The following AGO2 variants were observed in gnomAD, a reference collection of about 807,000 sequenced individuals.
AGO2 encodes argonaute RISC catalytic component 2, also known as protein argonaute-2.
Under a neutral mutation model 102.3 loss-of-function variants are expected in AGO2, and 5 were observed. The observed-to-expected ratio is 0.05, with a 90% CI of 0.03 to 0.10. The LOEUF (loss-of-function observed/expected upper bound fraction) is 0.10. AGO2 is among the 10% of genes least tolerant of loss of function. The pLI is 1.00. For missense variants in AGO2, 541 were observed against 1,183.7 expected (o/e 0.46, Z 7.97); for synonymous variants, 449 against 473.1 (o/e 0.95, Z 0.66).
chr8:140,556,908 T>C lies in AGO2; in HGVS notation c.1026+181A>G, dbSNP rs532617850. On this transcript the variant is annotated intron_variant, in intron 8 of 18. Transcript: ENST00000220592. ...TCCCACAAGAGAGCTGCAGACCCCA[T>C]TCTACTGAAGGCAAAACCGAGGTGT... 2.5e-4 allele frequency among the ~76,000 whole-genome samples: 38 copies of C among 152,252 alleles called. 1 individual carries two copies. In the East Asian group the frequency reaches 7.0e-3, roughly 28 times the overall value.
intron 1 of AGO2, among the ~76,000 whole-genome samples, chr8:140,608,368 A>G (rs997893244): frequency 6.6e-6 from 1 of 152,050 alleles, no homozygotes; most frequent in Non-Finnish European, 1.5e-5. Flanking sequence ...TGTGCAAATC[A>G]CCACAGTCCC....
At chr8:140,535,303 C>T in intron 17 of AGO2, 165 bp downstream of exon 17, 6 of 690,780 alleles carry the variant, frequency 8.7e-6, no homozygotes, top group Non-Finnish European at 1.5e-5. Flanking sequence ...CCCCTCTCCC[C>T]ACCCCAGCGC....
Position 140,625,352 on chromosome 8 carries a change from C to T in AGO2, c.22+10133G>A, listed in dbSNP as rs575310832. On this transcript the variant is annotated intron_variant, in intron 1 of 18. Coordinates refer to ENST00000220592, the MANE Select transcript of AGO2 (RefSeq NM_012154.5). ...AACTCCTGACCTCAGGTGATCCGCC[C>T]GCCTTGGCCTCCCGAAGTGCTGGGA... 2.1e-3 allele frequency among the ~76,000 whole-genome samples: 315 copies of T among 152,234 alleles called. 1 individual carries two copies. The highest frequency in any genetic ancestry group is 6.8e-3 in the Middle Eastern group (2 of 294).
At chr8:140,575,151 T>C (rs1008286626) in intron 2 of AGO2, among the ~76,000 whole-genome samples, 4 of 152,164 alleles carry the variant, frequency 2.6e-5, no homozygotes, top group African/African-American at 7.2e-5. Context: ...AGATCCAGCC[T>C]GGGCAGGGAA....
chr8:140,562,667 C>T, intron 3 of AGO2, 33 bp from the exon 4 acceptor site: 1 of 1,599,298 alleles, frequency 6.3e-7, no homozygotes, highest in Non-Finnish European at 8.5e-7. Context: ...AGGTTACTCC[C>T]TCCTGCGAAG....
intron 4 of AGO2, 95 bp from the exon 5 acceptor site, chr8:140,560,605 C>T: frequency 1.6e-5 from 23 of 1,429,464 alleles, no homozygotes; most frequent in Non-Finnish European, 2.1e-5. Context: ...CCACCACACC[C>T]TCATCAGAGT....
At position 140,520,623 on chromosome 8, in the gene AGO2, G is replaced by C. The variant is rs976991678; in HGVS notation, c.*11421C>G. The C allele has an allele frequency of 6.6e-6, 1 of 151,996 alleles. No individual in the cohort carries two copies. The highest frequency in any genetic ancestry group is 2.4e-5 in the African/African-American group (1 of 41,374). The allele number at this position is 151,996 out of a possible 1,614,324, so 9.4% of individuals were successfully genotyped here. A position where few individuals can be genotyped will look rare whatever the true frequency, so the allele number is the denominator to read the frequency against. On this transcript the variant is annotated 3_prime_UTR_variant, in exon 19 of 19. Coordinates refer to ENST00000220592, the MANE Select transcript of AGO2 (RefSeq NM_012154.5). ...GGCTCTCTGGAGAGACCAGAGGCTC[G>C]GGCTGCCTGATTTCAGCAACACATT... is the stretch of plus-strand genomic sequence containing the variant.
chr8:140,545,932 G>A (rs904684624), intron 13 of AGO2, among the ~76,000 whole-genome samples: 6 of 152,166 alleles, frequency 3.9e-5, no homozygotes, highest in African/African-American at 1.4e-4. Flanking sequence ...CAGGCAGCAC[G>A]TGGGAGGGCC....
intron 1 of AGO2, among the ~76,000 whole-genome samples, chr8:140,620,342 A>G (rs1282130120): frequency 6.6e-6 from 1 of 152,200 alleles, no homozygotes; most frequent in Non-Finnish European, 1.5e-5. Flanking sequence ...CAACAGGGGA[A>G]GCCAACTATA....
chr8:140,547,015 C>T (rs148397628), intron 13 of AGO2, among the ~76,000 whole-genome samples: 238 of 152,288 alleles, frequency 1.6e-3, no homozygotes, highest in African/African-American at 5.6e-3. Context: ...CTGTCCTGGC[C>T]TGGGAGCTGC....
chr8:140,640,920 TCTTCTACAAAGTC>T, the AGO2 span, among the ~76,000 whole-genome samples: 327 of 152,300 alleles, frequency 2.1e-3, 5 homozygotes, highest in African/African-American at 7.2e-3. Context: ...TCCCAATGCA[TCTTCTACAAAGTC>T]CTTGGGAGAT....
chr8:140,560,259 G>C, intron 5 of AGO2, 115 bp downstream of exon 5: 1 of 1,454,864 alleles, frequency 6.9e-7, no homozygotes, highest in Non-Finnish European at 9.3e-7. Flanking sequence ...AGCGGCGCTG[G>C]CTCTGACAGA....
Position 140,537,163 on chromosome 8 carries a change from G to A in AGO2, c.2170-1594C>T, listed in dbSNP as rs377182961. ...ATTGTATAATGATTTAAAAAATATG[G>A]CTTGAGACTGAAGTTTGGAAAGCTC... On this transcript the variant is annotated intron_variant, in intron 16 of 18. Transcript: ENST00000220592. Among the ~76,000 whole-genome samples, 4 of 152,140 alleles carry A rather than the reference G, an allele frequency of 2.6e-5. No homozygotes were observed. The East Asian group carries it at 7.7e-4, about 29-fold the overall frequency.
At chr8:140,595,258 T>C (rs973755468) in intron 1 of AGO2, among the ~76,000 whole-genome samples, 4 of 152,162 alleles carry the variant, frequency 2.6e-5, no homozygotes, top group African/African-American at 9.7e-5. Context: ...CTCCATGTAC[T>C]TGTAAGTGGG....
chr8:140,566,638 C>T (rs560883408), intron 3 of AGO2, among the ~76,000 whole-genome samples: 10 of 150,938 alleles, frequency 6.6e-5, no homozygotes, highest in Admixed American at 1.3e-4. Context: ...GAAGGTGTCC[C>T]GCTCTCAGTT....
At chr8:140,607,213 C>T (rs944704595) in intron 1 of AGO2, among the ~76,000 whole-genome samples, 1 of 151,568 alleles carries the variant, frequency 6.6e-6, no homozygotes, top group South Asian at 2.1e-4. Flanking sequence ...CATGTCATTG[C>T]ACTCCAACCT....
chr8:140,555,613 GGT>G (rs2073080649), intron 10 of AGO2: 1 of 337,572 alleles, frequency 3.0e-6, no homozygotes, highest in African/African-American at 2.1e-5. Flanking sequence ...TTCGACCCTC[GGT>G]GAGTGTCTGT....
chr8:140,531,330 CT>C lies in AGO2; in HGVS notation c.*713del, dbSNP rs2072591431. On this transcript the variant is annotated 3_prime_UTR_variant, in exon 19 of 19. Coordinates refer to ENST00000220592, the MANE Select transcript of AGO2 (RefSeq NM_012154.5). ...GATGATTAGACTGTCAGTATATTGT[CT>C]TTTTTCTTTTTTTAAATACATTTTT... The C allele has an allele frequency of 6.6e-6, 1 of 152,566 alleles. No homozygotes were observed. The highest frequency in any genetic ancestry group is 1.9e-4 in the East Asian group (1 of 5,200). The allele number at this position is 152,566 out of a possible 1,614,324, so 9.5% of individuals were successfully genotyped here.
intron 4 of AGO2, among the ~76,000 whole-genome samples, chr8:140,562,107 G>A (rs901839693): frequency 1.1e-4 from 16 of 152,342 alleles, no homozygotes; most frequent in African/African-American, 3.4e-4. Flanking sequence ...CATGCAGCAC[G>A]AAACTGGGAA....
Sources: allele counts gnomAD v4.1 joint callset (sites outside exome capture counted in the v4.1 genomes callset), GRCh38; gene constraint gnomAD v4.1.1; transcripts MANE v1.5; gene names NCBI Gene and HGNC (gene_info 2026-07-23, HGNC 2026-07-21).